ERP44: variants seen among roughly 807,000 people sequenced by gnomAD.
ERP44 encodes the protein endoplasmic reticulum resident protein 44.
In ERP44, 25 loss-of-function variants were observed where a neutral mutation model predicts 53.4. The observed-to-expected ratio is 0.47, with a 90% CI of 0.34 to 0.65. ERP44 has a LOEUF of 0.65. Ranked by LOEUF, ERP44 falls within the 30% of genes least tolerant of loss-of-function variation. The pLI, the probability that ERP44 is intolerant of heterozygous loss-of-function variation, is 0.01. For synonymous variants in ERP44, 145 were observed against 161.2 expected (o/e 0.90, Z 0.76); for missense variants, 338 against 493.2 (o/e 0.69, Z 2.98).
At chr9:99,989,983 G>A (rs891612431) in intron 10 of ERP44, among the ~76,000 whole-genome samples, 2 of 152,158 alleles carry the variant, frequency 1.3e-5, no homozygotes, top group African/African-American at 4.8e-5. Context: ...AGAGTAAAAA[G>A]AGACAAACAA....
chr9:100,095,096 A>C (rs1420491661), intron 1 of ERP44, among the ~76,000 whole-genome samples: 1 of 152,128 alleles, frequency 6.6e-6, no homozygotes, highest in Non-Finnish European at 1.5e-5. Flanking sequence ...GAGATTTTAT[A>C]TAATTATAAA....
intron 1 of ERP44, among the ~76,000 whole-genome samples, chr9:100,060,774 C>T (rs1826137734): frequency 6.6e-6 from 1 of 152,132 alleles, no homozygotes; most frequent in African/African-American, 2.4e-5. Flanking sequence ...CTTAGCCTCC[C>T]ATCTACAAAA....
At chr9:100,066,547 A>G (rs1319881763) in intron 1 of ERP44, among the ~76,000 whole-genome samples, 3 of 152,248 alleles carry the variant, frequency 2.0e-5, no homozygotes, top group African/African-American at 7.2e-5. Context: ...GGAGATTCTC[A>G]GAGCCCTTTC....
intron 2 of ERP44, 100 bp downstream of exon 2, chr9:100,060,000 T>G: frequency 1.0e-6 from 1 of 995,866 alleles, no homozygotes; most frequent in East Asian, 3.6e-5. Flanking sequence ...TCTTCATCTG[T>G]GCTAGCTAAC....
At chr9:100,077,845 G>T (rs1446325963) in intron 1 of ERP44, among the ~76,000 whole-genome samples, 1 of 152,130 alleles carries the variant, frequency 6.6e-6, no homozygotes, top group African/African-American at 2.4e-5. Flanking sequence ...GATCTGTTAG[G>T]GTGTCTCTTA....
chr9:100,029,037 G>C (rs976703331), intron 4 of ERP44, among the ~76,000 whole-genome samples: 9 of 152,042 alleles, frequency 5.9e-5, no homozygotes, highest in Non-Finnish European at 1.3e-4. Flanking sequence ...AACTCAAGAT[G>C]GATTAAAGAC....
intron 3 of ERP44, among the ~76,000 whole-genome samples, chr9:100,053,366 T>G (rs759283942): frequency 3.3e-5 from 5 of 152,196 alleles, no homozygotes; most frequent in Non-Finnish European, 7.4e-5. Context: ...TACAAACTTG[T>G]TACTTCTAAC....
intron 2 of ERP44, among the ~76,000 whole-genome samples, chr9:100,058,679 C>T (rs552166599): frequency 6.6e-6 from 1 of 152,140 alleles, no homozygotes; most frequent in Non-Finnish European, 1.5e-5. Flanking sequence ...TTCCCCCCTA[C>T]AAAAATAACA....
At chr9:100,042,729 TAA>T (rs1160531073) in intron 4 of ERP44, among the ~76,000 whole-genome samples, 31 of 151,854 alleles carry the variant, frequency 2.0e-4, no homozygotes, top group African/African-American at 7.0e-4. Context: ...TACTAATCCA[TAA>T]AAAAAAGAAT....
At chr9:100,034,707 C>T (rs192064166) in intron 4 of ERP44, among the ~76,000 whole-genome samples, 20 of 152,088 alleles carry the variant, frequency 1.3e-4, no homozygotes, top group Non-Finnish European at 2.2e-4. Context: ...TTCATTTCCA[C>T]AGAATTAGAA....
intron 10 of ERP44, among the ~76,000 whole-genome samples, chr9:100,003,436 C>T (rs1265743904): frequency 6.6e-6 from 1 of 152,212 alleles, no homozygotes; most frequent in African/African-American, 2.4e-5. Context: ...TAGTCTTTGA[C>T]TGGCTTTGTC....
In ERP44 at chr9:99,979,827, C is replaced by T. The variant is rs756046742; in HGVS notation, c.*2785G>A. 26 of 396,636 alleles carry T rather than the reference C, an allele frequency of 6.6e-5. No homozygotes were observed. The highest frequency in any genetic ancestry group is 8.4e-5 in the Non-Finnish European group (19 of 225,210). The allele number at this position is 396,636 out of a possible 1,614,324, so 24.6% of individuals were successfully genotyped here. ...AGGGGGAACAAGTCTAAATTTGAGA[C>T]GTGCTTCCACACTATTCTTTCTCAA... On this transcript the variant is annotated 3_prime_UTR_variant, in exon 12 of 12. Coordinates refer to ENST00000262455, the MANE Select transcript of ERP44 (RefSeq NM_015051.3).
At position 100,087,111 on chromosome 9, in the gene ERP44, G is replaced by A. The variant is rs750245741; in HGVS notation, c.57+11673C>T. The stretch of plus-strand genomic sequence containing the variant: ...AGCTAAGTGACGTGTCCAAATTAAT[G>A]GCAGAACAGAATTCAAACCCTAATC... On this transcript the variant is annotated intron_variant, in intron 1 of 11. Coordinates refer to ENST00000262455, the MANE Select transcript of ERP44 (RefSeq NM_015051.3). Among the ~76,000 whole-genome samples, 96 of 151,300 alleles carry A rather than the reference G, an allele frequency of 6.3e-4. 1 individual carries two copies. The highest frequency in any genetic ancestry group is 3.7e-3 in the Admixed American group (56 of 15,244).
chr9:100,057,745 T>C (rs1826100146), intron 3 of ERP44, 75 bp downstream of exon 3: 5 of 1,091,120 alleles, frequency 4.6e-6, no homozygotes, highest in Non-Finnish European at 6.9e-6. Context: ...AGCCTTCCCT[T>C]CCCCTTTCTA....
At chr9:99,990,425 G>A (rs1043184429) in intron 10 of ERP44, among the ~76,000 whole-genome samples, 1 of 152,164 alleles carries the variant, frequency 6.6e-6, no homozygotes, top group Non-Finnish European at 1.5e-5. Context: ...AGCTTCATAA[G>A]TGAAGGAGAA....
chr9:100,098,734 C>T, intron 1 of ERP44, 50 bp downstream of exon 1: 1 of 1,507,002 alleles, frequency 6.6e-7, no homozygotes, highest in Non-Finnish European at 9.2e-7. Context: ...TGGGCGAGGG[C>T]CGGAGGCCGT....
chr9:100,004,202 A>G (rs1477461249), intron 10 of ERP44, among the ~76,000 whole-genome samples: 1 of 152,086 alleles, frequency 6.6e-6, no homozygotes, highest in African/African-American at 2.4e-5. Context: ...CTGGGGCTTT[A>G]GGGGCCAGTC....
intron 10 of ERP44, among the ~76,000 whole-genome samples, chr9:99,988,037 T>C (rs377737160): frequency 1.3e-4 from 20 of 152,346 alleles, no homozygotes; most frequent in African/African-American, 4.8e-4. Flanking sequence ...TTGAAGAAAC[T>C]GCCAAACTGT....
chr9:100,028,651 G>A (rs1445696633), intron 4 of ERP44, among the ~76,000 whole-genome samples: 2 of 152,164 alleles, frequency 1.3e-5, no homozygotes, highest in African/African-American at 4.8e-5. Flanking sequence ...AACTAGCAGA[G>A]ATATATTTCA....
Sources: gnomAD v4.1 joint callset for allele counts (sites outside exome capture counted in the v4.1 genomes callset) on GRCh38, gnomAD v4.1.1 for gene constraint, MANE v1.5 for transcripts, NCBI Gene and HGNC (gene_info 2026-07-23, HGNC 2026-07-21) for gene names.